Variants in XPOT observed in about 807,000 individuals in gnomAD.
XPOT encodes exportin-T.
Under a neutral mutation model 128.2 loss-of-function variants are expected in XPOT, and 34 were observed. The observed-to-expected ratio is 0.27, with a 90% CI of 0.20 to 0.35. XPOT has a LOEUF of 0.35. Among genes scored for constraint, XPOT ranks in the 10% least tolerant of loss-of-function variants. XPOT has a pLI of 1.00. For missense variants in XPOT, 838 were observed against 1,125.3 expected, an observed-to-expected ratio of 0.74 and a Z score of 3.65; for synonymous variants, 348 against 394.3, an observed-to-expected ratio of 0.88 and a Z score of 1.39.
At chr12:64,412,015 T>G (rs2040042702) in intron 2 of XPOT, among the ~76,000 whole-genome samples, 3 of 131,190 alleles carry the variant, frequency 2.3e-5, no homozygotes, top group Non-Finnish European at 3.2e-5. Context: ...CTCTCACCCC[T>G]GCCCCGCCCC....
intron 23 of XPOT, chr12:64,443,308 C>T (rs958407144): frequency 3.3e-5 from 5 of 152,230 alleles, no homozygotes; most frequent in African/African-American, 1.2e-4. Flanking sequence ...AGGGTAAGGG[C>T]CCCTTCATAG....
rs778425642 is a variant in XPOT, at chr12:64,433,437, A to G, written c.2286A>G (p.Gln762=). 5.1e-6 allele frequency: 8 copies of G among 1,567,516 alleles called. No homozygotes were observed. The highest frequency in any genetic ancestry group is 6.9e-6 in the Non-Finnish European group (8 of 1,152,422). The change falls in exon 19 of 25, where the codon CAA becomes CAG. Residue 762 remains glutamine, a synonymous_variant. Coordinates refer to ENST00000332707, the MANE Select transcript of XPOT (RefSeq NM_007235.6). ...AGATACAGGTATCCCCGTTTTTACAACAGATGTTCATGCCCCTGCTTCATG... is the reference window on the plus strand; with the variant it reads ...AGATACAGGTATCCCCGTTTTTACAGCAGATGTTCATGCCCCTGCTTCATG... The part of the protein sequence containing the change: ...KFKIQVSPFL[Q]QMFMPLLHAI...
At chr12:64,425,571 C>A in intron 14 of XPOT, 114 bp downstream of exon 14, 1 of 1,354,900 alleles carries the variant, frequency 7.4e-7, no homozygotes, top group Non-Finnish European at 1.0e-6. Context: ...CTCAGAAGTG[C>A]TTGGCACACA....
chr12:64,430,172 T>C lies in XPOT; in HGVS notation c.1861T>C (p.Leu621=). 1.2e-6 allele frequency: 2 copies of C among 1,613,668 alleles called. No homozygotes were observed. Among genetic ancestry groups the C allele is most frequent in the Non-Finnish European group, 1.7e-6 (2 of 1,179,878 alleles). ...ERKQALMRNL[L]TPLMEKFKIL... is the part of the protein sequence containing the mutation. ...GAAACAAGCCTTAATGAGGAATCTG[T>C]TGACTCCACTAATGGAGAAGTTTAA... Residue 621 remains leucine (L), a synonymous_variant, in exon 17 of 25, where the codon TTG becomes CTG. Transcript: ENST00000332707.
intron 1 of XPOT, among the ~76,000 whole-genome samples, chr12:64,408,236 A>G (rs2040001517): frequency 6.6e-6 from 1 of 151,990 alleles, no homozygotes; most frequent in African/African-American, 2.4e-5. Context: ...CAGCCTCCCA[A>G]GTAGCTGGGA....
chr12:64,404,994 C>A (rs1430443805), intron 1 of XPOT, 190 bp downstream of exon 1: 1 of 152,264 alleles, frequency 6.6e-6, no homozygotes, highest in African/African-American at 2.4e-5. Flanking sequence ...CCGGGGCCGC[C>A]GCCGAGGAGC....
At chr12:64,427,740 C>T (rs1235019956) in intron 15 of XPOT, among the ~76,000 whole-genome samples, 1 of 152,128 alleles carries the variant, frequency 6.6e-6, no homozygotes, top group African/African-American at 2.4e-5. Context: ...CTTCCCACCT[C>T]GGCCTCCCAA....
intron 4 of XPOT, 107 bp downstream of exon 4, chr12:64,416,861 A>G (rs1054813288): frequency 6.0e-6 from 6 of 998,452 alleles, no homozygotes; most frequent in South Asian, 2.9e-5. Flanking sequence ...GTAAATTCAC[A>G]GTGTATATGT....
At chr12:64,415,462 C>T (rs1008559960) in intron 3 of XPOT, among the ~76,000 whole-genome samples, 2 of 151,980 alleles carry the variant, frequency 1.3e-5, no homozygotes, top group Non-Finnish European at 2.9e-5. Flanking sequence ...GCAAGCTTCG[C>T]CTCCTGGGTT....
At chr12:64,409,506 C>T (rs187672942) in intron 1 of XPOT, among the ~76,000 whole-genome samples, 16 of 152,274 alleles carry the variant, frequency 1.1e-4, no homozygotes, top group South Asian at 8.3e-4. Flanking sequence ...GAGGCCAAGG[C>T]GGGCGGATCA....
At chr12:64,411,832 G>C (rs2040041098) in intron 2 of XPOT, among the ~76,000 whole-genome samples, 1 of 152,132 alleles carries the variant, frequency 6.6e-6, no homozygotes, top group African/African-American at 2.4e-5. Flanking sequence ...TTGTCACATA[G>C]AGTCAGTCAA....
At chr12:64,445,022 G>A in intron 23 of XPOT, 53 bp from the exon 24 acceptor site, 5 of 1,433,198 alleles carry the variant, frequency 3.5e-6, no homozygotes, top group Non-Finnish European at 4.8e-6. Context: ...AATTACAATG[G>A]ATTTAATACA....
chr12:64,410,095 G>T lies in XPOT; in HGVS notation c.60G>T (p.Arg20Ser), dbSNP rs752526552. Reference protein sequence around the residue: ...NPNADSDFRQRALAYFEQLKI... With the variant: ...NPNADSDFRQSALAYFEQLKI... ...ATGCTGATTCAGACTTTAGACAAAG[G>T]GTAAGTTACTCTGCTGAATCATTTT... is the stretch of plus-strand genomic sequence containing the variant. Residue 20 changes from arginine (R) to serine (S), a missense_variant and splice_region_variant, in exon 2 of 25, where the codon AGG (arginine) becomes AGT (serine). By Grantham distance (110) the Arg-to-Ser change is moderately radical. Coordinates refer to ENST00000332707, the MANE Select transcript of XPOT (RefSeq NM_007235.6). 1 of 1,613,434 alleles carries T rather than the reference G, an allele frequency of 6.2e-7. No individual in the cohort carries two copies. Among genetic ancestry groups the T allele is most frequent in the South Asian group, 1.1e-5 (1 of 91,060 alleles).
intron 1 of XPOT, among the ~76,000 whole-genome samples, chr12:64,408,048 C>G (rs1310216980): frequency 2.0e-5 from 3 of 152,156 alleles, no homozygotes; most frequent in African/African-American, 7.2e-5. Flanking sequence ...CTCCCCTACC[C>G]CCAATCCAAT....
chr12:64,419,299 A>C (rs926902334), intron 6 of XPOT, among the ~76,000 whole-genome samples: 1 of 152,024 alleles, frequency 6.6e-6, no homozygotes, highest in Non-Finnish European at 1.5e-5. Flanking sequence ...ATTGAAATTA[A>C]AGTATTACAT....
chr12:64,443,307 G>GC (rs2040341813), intron 23 of XPOT: 1 of 152,200 alleles, frequency 6.6e-6, no homozygotes, highest in Non-Finnish European at 1.5e-5. Context: ...AAGGGTAAGG[G>GC]CCCCTTCATA....
At chr12:64,422,556 G>A (rs1018463165) in intron 9 of XPOT, among the ~76,000 whole-genome samples, 9 of 152,256 alleles carry the variant, frequency 5.9e-5, no homozygotes, top group Admixed American at 5.2e-4. Context: ...ATAGGCAGCT[G>A]CTGCTAAACT....
Position 64,431,690 on chromosome 12 carries a change from G to A in XPOT, c.2129G>A (p.Arg710Gln), listed in dbSNP as rs1407820910. The A allele has an allele frequency of 3.7e-6, 6 of 1,613,810 alleles. No homozygotes were observed. The highest frequency in any genetic ancestry group is 3.3e-5 in the Admixed American group (2 of 59,960). ...LRSGVRTFLH[R>Q]MIICLEEEVL... is the part of the protein sequence containing the mutation. ...AGTGGAGTCCGTACTTTCCTTCATC[G>A]AATGATTATTTGCCTGGAGGAAGAA... The change falls in exon 18 of 25, where the codon CGA becomes CAA. Residue 710 changes from arginine (R) to glutamine (Q), a missense_variant. Around this residue, in one of 3 missense-constraint regions of XPOT, gnomAD observed 761 missense variants for 988.3 expected, o/e 0.77. Transcript: ENST00000332707.
chr12:64,425,852 G>T lies in XPOT; in HGVS notation c.1610G>T (p.Ser537Ile), dbSNP rs200960751. The T allele has an allele frequency of 2.5e-6, 4 of 1,614,142 alleles. No homozygotes were observed. Among genetic ancestry groups the T allele is most frequent in the African/African-American group, 1.3e-5 (1 of 75,042 alleles). ...FLDHRGLRHSSAKVRSRTAYL... is the reference protein window; with the variant it reads ...FLDHRGLRHSIAKVRSRTAYL... ...GATCACAGAGGTCTGCGGCATTCCA[G>T]TGCAAAAGTTCGGAGCAGGACGGCT... Residue 537 changes from serine to isoleucine, a missense_variant, in exon 15 of 25, where the codon AGT becomes ATT. Physicochemically the swap from Ser to Ile is moderately radical, Grantham distance 142. Transcript: ENST00000332707.
Sources: allele counts gnomAD v4.1 joint callset (sites outside exome capture counted in the v4.1 genomes callset), GRCh38; gene constraint gnomAD v4.1.1; regional missense constraint gnomAD v4.1.1; transcripts MANE v1.5; gene names NCBI Gene and HGNC (gene_info 2026-07-23, HGNC 2026-07-21).